The following PSAP variants were observed in gnomAD, a reference collection of about 807,000 sequenced individuals.
PSAP encodes the protein prosaposin, also known as precursor of saposins.
In PSAP, 25 loss-of-function variants were observed where a neutral mutation model predicts 66.0. That is an observed-to-expected ratio of 0.38 (90% CI 0.28 to 0.53). The LOEUF (loss-of-function observed/expected upper bound fraction) is 0.53. PSAP is among the 20% of genes least tolerant of loss of function. The probability of loss-of-function intolerance (pLI) is 0.83; values close to 1 mark genes in which losing one functional copy is unlikely to be tolerated. For synonymous variants in PSAP, 273 were observed against 258.9 expected, an observed-to-expected ratio of 1.05 and a Z score of -0.52; for missense variants, 649 against 668.8, an observed-to-expected ratio of 0.97 and a Z score of 0.33.
Position 71,831,292 on chromosome 10 carries a change from C to T in PSAP, c.250-41G>A, listed in dbSNP as rs1383582964. On this transcript the variant is annotated intron_variant, in intron 3 of 13. Transcript: ENST00000394936. Reference sequence around the variant, plus strand: ...AGGGTCAGAATCACGATAGGCTTTCCTCCCTGGAAATAAATGGGCTGAAGG... The same window carrying T: ...AGGGTCAGAATCACGATAGGCTTTCTTCCCTGGAAATAAATGGGCTGAAGG... The T allele has an allele frequency of 2.5e-6, 4 of 1,609,888 alleles. No homozygotes were observed. In the Middle Eastern group the frequency reaches 7.4e-4, roughly 299 times the overall value.
intron 1 of PSAP, among the ~76,000 whole-genome samples, chr10:71,845,700 T>C (rs1228979478): frequency 6.6e-6 from 1 of 152,158 alleles, no homozygotes; most frequent in East Asian, 1.9e-4. Context: ...GAAACCGAAC[T>C]AGGGGGCTGG....
chr10:71,835,080 C>CA (rs1296012242), intron 1 of PSAP, among the ~76,000 whole-genome samples: 225 of 149,518 alleles, frequency 1.5e-3, no homozygotes, highest in Admixed American at 8.9e-3. Context: ...ACTAAAAATA[C>CA]AAAAAAAAAC....
At chr10:71,839,178 GGCAAATTGA>G (rs55873560) in intron 1 of PSAP, among the ~76,000 whole-genome samples, 62,540 of 151,716 alleles carry the variant, frequency 0.41, 14,536 homozygotes, top group Middle Eastern at 0.54. Context: ...CAGCACTCGG[GGCAAATTGA>G]GCACTTCACT....
chr10:71,828,925 A>C lies in PSAP; in HGVS notation c.528T>G (p.Pro176=). 2 of 1,613,972 alleles carry C rather than the reference A, an allele frequency of 1.2e-6. No individual in the cohort carries two copies. Among genetic ancestry groups the C allele is most frequent in the Non-Finnish European group, 1.7e-6 (2 of 1,179,984 alleles). ...EVVAPFMANI[P]LLLYPQDGPR... Reference sequence around the variant, plus strand: ...GGCCGTCCTGAGGGTAGAGGAGGAGAGGGATGTTGGCCATGAAGGGGGCCA... The same window carrying C: ...GGCCGTCCTGAGGGTAGAGGAGGAGCGGGATGTTGGCCATGAAGGGGGCCA... Residue 176 remains proline (P), a synonymous_variant, in exon 5 of 14, where the codon CCT becomes CCG. Coordinates refer to ENST00000394936, the MANE Select transcript of PSAP (RefSeq NM_002778.4).
At chr10:71,826,069 A>G (rs1009452131) in intron 6 of PSAP, among the ~76,000 whole-genome samples, 176 bp from the exon 7 acceptor site, 1 of 152,216 alleles carries the variant, frequency 6.6e-6, no homozygotes. Flanking sequence ...GAAAATGACA[A>G]TTTGGTTACT....
intron 1 of PSAP, among the ~76,000 whole-genome samples, chr10:71,850,888 A>G (rs1842915305): frequency 6.6e-6 from 1 of 152,228 alleles, no homozygotes; most frequent in Non-Finnish European, 1.5e-5. Context: ...TGGGAAGCGC[A>G]GCCTGAGGGA....
intron 4 of PSAP, 68 bp downstream of exon 4, chr10:71,831,058 C>T (rs1372013973): frequency 7.5e-6 from 12 of 1,602,082 alleles, no homozygotes; most frequent in Non-Finnish European, 1.0e-5. Flanking sequence ...AATCAATCTA[C>T]TCTGGGCCAC....
At chr10:71,843,949 CCTTTG>C (rs1842775060) in intron 1 of PSAP, among the ~76,000 whole-genome samples, 1 of 152,138 alleles carries the variant, frequency 6.6e-6, no homozygotes, top group Non-Finnish European at 1.5e-5. Context: ...CAGTATACTA[CCTTTG>C]TAACTTTTCT....
chr10:71,831,216 G>C lies in PSAP; in HGVS notation c.285C>G (p.Asp95Glu). 1 of 1,614,118 alleles carries C rather than the reference G, an allele frequency of 6.2e-7. No individual in the cohort carries two copies. The highest frequency in any genetic ancestry group is 1.1e-5 in the South Asian group (1 of 91,084). Residue 95 changes from aspartate (D) to glutamate (E), a missense_variant, in exon 4 of 14, where the codon GAC becomes GAG. Coordinates refer to ENST00000394936, the MANE Select transcript of PSAP (RefSeq NM_002778.4). ...EILVYLEKTC[D>E]WLPKPNMSAS... Reference sequence around the variant, plus strand: ...CAGACATGTTCGGTTTCGGAAGCCAGTCACAGGTCTTCTCCAAGTAAACAA... The same window carrying C: ...CAGACATGTTCGGTTTCGGAAGCCACTCACAGGTCTTCTCCAAGTAAACAA...
At chr10:71,825,943 A>C in intron 6 of PSAP, 50 bp from the exon 7 acceptor site, 1 of 1,524,576 alleles carries the variant, frequency 6.6e-7, no homozygotes. Context: ...ACAATGCACC[A>C]AAACCCAACC....
At chr10:71,828,312 T>G (rs1842434879) in intron 5 of PSAP, among the ~76,000 whole-genome samples, 155 bp from the exon 6 acceptor site, 1 of 152,132 alleles carries the variant, frequency 6.6e-6, no homozygotes, top group East Asian at 1.9e-4. Flanking sequence ...TTAAAATCGA[T>G]TAAGTGTTCA....
intron 1 of PSAP, 56 bp from the exon 2 acceptor site, chr10:71,834,561 CTGACT>C: frequency 6.2e-7 from 1 of 1,600,548 alleles, no homozygotes. Flanking sequence ...CCAGGTCGAC[CTGACT>C]TATTTCCCCA....
intron 13 of PSAP, among the ~76,000 whole-genome samples, chr10:71,818,277 G>A (rs971360199): frequency 1.3e-5 from 2 of 152,174 alleles, no homozygotes; most frequent in Admixed American, 6.5e-5. Context: ...AAAGCTCTGG[G>A]CAATGAATCC....
intron 1 of PSAP, among the ~76,000 whole-genome samples, chr10:71,836,666 C>A (rs1414885072): frequency 6.6e-6 from 1 of 152,138 alleles, no homozygotes; most frequent in African/African-American, 2.4e-5. Context: ...GGAGTCACCA[C>A]CAAAAGCAGG....
Position 71,851,174 on chromosome 10 carries a change from G to A in PSAP, c.40+8C>T, listed in dbSNP as rs964523271. 3 of 1,551,038 alleles carry A rather than the reference G, an allele frequency of 1.9e-6. No individual in the cohort carries two copies. Among genetic ancestry groups the A allele is most frequent in the South Asian group, 2.4e-5 (2 of 84,058 alleles). On this transcript the variant is annotated splice_region_variant and intron_variant, in intron 1 of 13. Coordinates refer to ENST00000394936, the MANE Select transcript of PSAP (RefSeq NM_002778.4). ...CCTCCTCCCCAGGATGAGGGTCCCA[G>A]GGCTTACCCGCGCCCAGGAGGCTGG...
In PSAP at chr10:71,829,081, G is replaced by A; in HGVS notation, c.376-4C>T. The stretch of plus-strand genomic sequence containing the variant: ...AGCACACCTCCCCAGGACGGCTCTG[G>A]TGGGATGGAAAGAAGTCCTGCTGAA... On this transcript the variant is annotated splice_region_variant and splice_polypyrimidine_tract_variant and intron_variant, in intron 4 of 13. Transcript: ENST00000394936. The A allele has an allele frequency of 6.2e-7, 1 of 1,613,400 alleles. No individual in the cohort carries two copies. Among genetic ancestry groups the A allele is most frequent in the African/African-American group, 1.3e-5 (1 of 75,028 alleles).
chr10:71,840,963 C>T (rs938362556), intron 1 of PSAP, among the ~76,000 whole-genome samples: 2 of 152,198 alleles, frequency 1.3e-5, no homozygotes, highest in Non-Finnish European at 2.9e-5. Context: ...AATAAAAACT[C>T]CTAACAAAGC....
chr10:71,841,377 G>C (rs1187676630), intron 1 of PSAP, among the ~76,000 whole-genome samples: 1 of 152,218 alleles, frequency 6.6e-6, no homozygotes, highest in African/African-American at 2.4e-5. Context: ...AAAAGTTCCA[G>C]ATATATGTGA....
chr10:71,829,164 C>G, intron 4 of PSAP, 87 bp from the exon 5 acceptor site: 1 of 1,233,658 alleles, frequency 8.1e-7, no homozygotes, highest in Admixed American at 1.8e-5. Context: ...ATTAGTCCCT[C>G]TCTTTAAATC....
Sources: gnomAD v4.1 joint callset for allele counts (sites outside exome capture counted in the v4.1 genomes callset) on GRCh38, gnomAD v4.1.1 for gene constraint, MANE v1.5 for transcripts, NCBI Gene and HGNC (gene_info 2026-07-23, HGNC 2026-07-21) for gene names.